The following ATXN2 variants were observed in gnomAD, a reference collection of about 807,000 sequenced individuals.
The protein encoded by ATXN2 is ataxin 2, also known as ataxin-2.
ATXN2 carries 37 observed loss-of-function variants against 138.6 expected under a neutral mutation model. The observed-to-expected ratio is 0.27, with a 90% CI of 0.21 to 0.35. The LOEUF is 0.35. Among genes scored for constraint, ATXN2 ranks in the 10% least tolerant of loss-of-function variants. The pLI is 1.00. For missense variants in ATXN2, 1,216 were observed against 1,480.3 expected, an observed-to-expected ratio of 0.82 and a Z score of 2.93; for synonymous variants, 549 against 543.7, an observed-to-expected ratio of 1.01 and a Z score of -0.13.
At chr12:111,564,588 G>A (rs770810081) in intron 1 of ATXN2, among the ~76,000 whole-genome samples, 94 of 149,518 alleles carry the variant, frequency 6.3e-4, no homozygotes, top group South Asian at 1.7e-3. Context: ...TCCTCACACT[G>A]AAGAAAAAAA....
intron 1 of ATXN2, among the ~76,000 whole-genome samples, chr12:111,582,329 C>CA (rs1350771529): frequency 9.7e-6 from 1 of 102,642 alleles, no homozygotes; most frequent in Non-Finnish European, 1.9e-5. Flanking sequence ...CATGTGGTCC[C>CA]AAGCTACTCA....
intron 2 of ATXN2, among the ~76,000 whole-genome samples, chr12:111,554,608 C>T (rs150256904): frequency 1.9e-3 from 292 of 152,126 alleles, no homozygotes; most frequent in Non-Finnish European, 2.8e-3. Flanking sequence ...TTTGACTAAA[C>T]ATGACATAAA....
At chr12:111,487,795 G>C (rs747947121) in intron 15 of ATXN2, among the ~76,000 whole-genome samples, 1 of 151,964 alleles carries the variant, frequency 6.6e-6, no homozygotes, top group Non-Finnish European at 1.5e-5. Context: ...TATGTGAGAA[G>C]ATATTTTACA....
At chr12:111,523,068 C>T (rs1423074577) in intron 6 of ATXN2, among the ~76,000 whole-genome samples, 1 of 151,514 alleles carries the variant, frequency 6.6e-6, no homozygotes, top group East Asian at 2.0e-4. Context: ...ATCACGAGTT[C>T]AGGAGTTCAA....
intron 5 of ATXN2, among the ~76,000 whole-genome samples, chr12:111,539,780 A>G (rs1382709964): frequency 2.0e-5 from 3 of 150,160 alleles, no homozygotes; most frequent in Non-Finnish European, 4.5e-5. Flanking sequence ...AAAAAGAAAA[A>G]AGAAGAAAAT....
At chr12:111,470,471 C>A in intron 19 of ATXN2, 87 bp downstream of exon 19, 1 of 1,489,744 alleles carries the variant, frequency 6.7e-7, no homozygotes, top group Non-Finnish European at 9.2e-7. Flanking sequence ...CACACAAAAG[C>A]AAAAATTATA....
chr12:111,553,135 T>C (rs1044733091), intron 3 of ATXN2, among the ~76,000 whole-genome samples, 158 bp from the exon 4 acceptor site: 4 of 152,198 alleles, frequency 2.6e-5, no homozygotes, highest in Non-Finnish European at 5.9e-5. Flanking sequence ...AACAATACAC[T>C]GAACTCTTGA....
intron 1 of ATXN2, among the ~76,000 whole-genome samples, chr12:111,556,360 A>C (rs1592897394): frequency 6.6e-6 from 1 of 152,244 alleles, no homozygotes; most frequent in Middle Eastern, 3.4e-3. Context: ...TGGGCGACAA[A>C]GCAAGACTCT....
In ATXN2 at chr12:111,453,649, C is replaced by A; in HGVS notation, c.3439+28G>T. On this transcript the variant is annotated intron_variant, in intron 24 of 24. Coordinates refer to ENST00000673436, the MANE Select transcript of ATXN2 (RefSeq NM_001372574.1). This position sits in a 1 kb window ranked among gnomAD's most constrained non-coding sequence, Gnocchi z 5.4. Reference sequence around the variant, plus strand: ...GCGAGCAGAATGCTTTGGGGTGCCCCGGCGGCCCCTGCACACACACGCCTC... The same window carrying A: ...GCGAGCAGAATGCTTTGGGGTGCCCAGGCGGCCCCTGCACACACACGCCTC... The A allele has an allele frequency of 6.6e-7, 1 of 1,521,464 alleles. No homozygotes were observed. Among genetic ancestry groups the A allele is most frequent in the East Asian group, 2.3e-5 (1 of 42,664 alleles). The allele number at this position is 1,521,464 out of a possible 1,614,324, so 94.2% of individuals were successfully genotyped here.
chr12:111,488,434 T>C, intron 15 of ATXN2, 42 bp downstream of exon 15: 1 of 1,551,052 alleles, frequency 6.4e-7, no homozygotes, highest in Non-Finnish European at 8.7e-7. Flanking sequence ...AAAAAAAAAG[T>C]TAATTGAGTA....
Position 111,485,821 on chromosome 12 carries a change from T to C in ATXN2, c.2349A>G (p.Gln783=), listed in dbSNP as rs779587536. ...TTPTSPRPQA[Q]PSPSMVGHQQ... The stretch of plus-strand genomic sequence containing the variant: ...GATGACCCACCATAGATGGGCTAGG[T>C]TGTGCTTGAGGCCGAGGTGAAGTTG... Residue 783 remains glutamine, a synonymous_variant, in exon 17 of 25, where the codon CAA becomes CAG. Coordinates refer to ENST00000673436, the MANE Select transcript of ATXN2 (RefSeq NM_001372574.1). 2 of 1,614,148 alleles carry C rather than the reference T, an allele frequency of 1.2e-6. No individual in the cohort carries two copies. Among genetic ancestry groups the C allele is most frequent in the Admixed American group, 1.7e-5 (1 of 60,004 alleles).
rs577475998 is a variant in ATXN2 at position 111,507,466 on chromosome 12, G to A, written c.1935+2083C>T. Among the ~76,000 whole-genome samples, 146 of 151,898 alleles carry A rather than the reference G, an allele frequency of 9.6e-4. 1 individual carries two copies. Among genetic ancestry groups the A allele is most frequent in the African/African-American group, 3.4e-3 (139 of 41,394 alleles). On this transcript the variant is annotated intron_variant, in intron 14 of 24. Coordinates refer to ENST00000673436, the MANE Select transcript of ATXN2 (RefSeq NM_001372574.1). ...TGGGAAGTGAGGAGCATCTCCACCC[G>A]GCAGCCAACCCGTCCGGGAGGGAGG...
intron 1 of ATXN2, among the ~76,000 whole-genome samples, chr12:111,577,497 C>T (rs1164613537): frequency 1.3e-5 from 2 of 151,412 alleles, no homozygotes; most frequent in East Asian, 4.0e-4. Context: ...GATCTCCTGA[C>T]CTTGTGATCC....
chr12:111,536,786 T>G (rs1829102690), intron 5 of ATXN2, among the ~76,000 whole-genome samples: 1 of 146,284 alleles, frequency 6.8e-6, no homozygotes, highest in African/African-American at 2.6e-5. Flanking sequence ...AGTTTTTTTT[T>G]TTTTTTTTTT....
intron 14 of ATXN2, among the ~76,000 whole-genome samples, chr12:111,494,173 G>A (rs1325966211): frequency 1.3e-5 from 2 of 151,624 alleles, no homozygotes; most frequent in African/African-American, 4.8e-5. Context: ...TAGGTGATCC[G>A]CCCACCTCAG....
At position 111,488,773 on chromosome 12, in the gene ATXN2, G is replaced by C. The variant is rs199570078; in HGVS notation, c.1943C>G (p.Pro648Arg). ...ATCCATAGATTCAGAAGTAGAACTTGGCTGTAACTAAATAAAGGAAACAAT... is the reference window on the plus strand; with the variant it reads ...ATCCATAGATTCAGAAGTAGAACTTCGCTGTAACTAAATAAAGGAAACAAT... The part of the protein sequence containing the change: ...KKFKNDFRLQ[P>R]SSTSESMDQL... The change falls in exon 15 of 25, where the codon CCA (proline) becomes CGA (arginine). Residue 648 changes from proline (P) to arginine (R), a missense_variant. Physicochemically the swap from Pro to Arg is moderately radical, Grantham distance 103 (BLOSUM62 -2). Transcript: ENST00000673436. 2.3e-5 allele frequency: 37 copies of C among 1,601,254 alleles called. No homozygotes were observed. The highest frequency in any genetic ancestry group is 3.1e-5 in the Non-Finnish European group (36 of 1,171,198).
chr12:111,571,895 C>T (rs1339359472), intron 1 of ATXN2, among the ~76,000 whole-genome samples: 1 of 151,386 alleles, frequency 6.6e-6, no homozygotes, highest in Non-Finnish European at 1.5e-5. Context: ...GCCTGTAATC[C>T]CAGTTACTCG....
chr12:111,558,775 T>A (rs978610162), intron 1 of ATXN2, among the ~76,000 whole-genome samples: 1 of 152,060 alleles, frequency 6.6e-6, no homozygotes, highest in Non-Finnish European at 1.5e-5. Context: ...CCAGCATTGG[T>A]GACAGAGCAA....
At chr12:111,573,699 TG>T (rs767522633) in intron 1 of ATXN2, among the ~76,000 whole-genome samples, 96 of 152,264 alleles carry the variant, frequency 6.3e-4, no homozygotes, top group Non-Finnish European at 1.3e-4. Flanking sequence ...ACTACCAGCC[TG>T]ACAGGCTGGG....
Sources: allele counts gnomAD v4.1 joint callset (sites outside exome capture counted in the v4.1 genomes callset), GRCh38; gene constraint gnomAD v4.1.1; non-coding constraint Gnocchi (gnomAD v3.1); transcripts MANE v1.5; gene names NCBI Gene and HGNC (gene_info 2026-07-23, HGNC 2026-07-21).